PDSS2: variants seen among roughly 807,000 people sequenced by gnomAD.
The protein encoded by PDSS2 is decaprenyl diphosphate synthase subunit 2, also known as all trans-polyprenyl-diphosphate synthase PDSS2.
PDSS2 carries 31 observed loss-of-function variants against 44.5 expected under a neutral mutation model. The ratio of observed to expected loss-of-function variants is 0.70; its 90% CI spans 0.52 to 0.94. The LOEUF is 0.94. Among genes scored for constraint, PDSS2 ranks in the 40% least tolerant of loss-of-function variants. The probability of loss-of-function intolerance (pLI) is 0.00; values close to 1 mark genes in which losing one functional copy is unlikely to be tolerated. For synonymous variants in PDSS2, 157 were observed against 180.3 expected (o/e 0.87, Z 1.03); for missense variants, 452 against 482.2 (o/e 0.94, Z 0.59).
intron 2 of PDSS2, among the ~76,000 whole-genome samples, chr6:107,318,285 C>T (rs1358169742): frequency 6.6e-6 from 1 of 152,056 alleles, no homozygotes; most frequent in Non-Finnish European, 1.5e-5. Context: ...GAGGAAGTAG[C>T]TATCTACTTC....
chr6:107,332,179 A>G (rs1777732667), intron 2 of PDSS2, among the ~76,000 whole-genome samples: 1 of 150,982 alleles, frequency 6.6e-6, no homozygotes, highest in Non-Finnish European at 1.5e-5. Flanking sequence ...ATCTTAGCTC[A>G]CTGCAACCTC....
intron 1 of PDSS2, among the ~76,000 whole-genome samples, chr6:107,376,162 TA>T (rs1779279677): frequency 6.6e-6 from 1 of 152,200 alleles, no homozygotes; most frequent in Non-Finnish European, 1.5e-5. Flanking sequence ...TTGGTTACTG[TA>T]ACCTTGTAGT....
intron 2 of PDSS2, among the ~76,000 whole-genome samples, chr6:107,323,462 C>T (rs539495269): frequency 6.6e-6 from 1 of 152,180 alleles, no homozygotes; most frequent in South Asian, 2.1e-4. Flanking sequence ...CCCATCATTG[C>T]CCCTGCTGTA....
chr6:107,337,098 C>A (rs1348547703), intron 1 of PDSS2, among the ~76,000 whole-genome samples: 2 of 150,682 alleles, frequency 1.3e-5, no homozygotes, highest in African/African-American at 4.9e-5. Context: ...ATAGCAGCAG[C>A]AAACACTTAT....
chr6:107,322,816 C>G (rs115169311), intron 2 of PDSS2, among the ~76,000 whole-genome samples: 2,050 of 152,202 alleles, frequency 0.013, 37 homozygotes, highest in African/African-American at 0.047. Context: ...GAGGGAGACC[C>G]TGTCTCAAAA....
At chr6:107,250,564 G>A (rs1774783322) in intron 3 of PDSS2, among the ~76,000 whole-genome samples, 1 of 152,024 alleles carries the variant, frequency 6.6e-6, no homozygotes, top group Non-Finnish European at 1.5e-5. Context: ...GTTGGGGGGG[G>A]AAGCATACCT....
chr6:107,273,563 C>T (rs1159137172), intron 3 of PDSS2, among the ~76,000 whole-genome samples: 4 of 151,802 alleles, frequency 2.6e-5, no homozygotes, highest in African/African-American at 4.8e-5. Context: ...GGAAGATGCT[C>T]GCATCATAAT....
intron 1 of PDSS2, among the ~76,000 whole-genome samples, chr6:107,374,452 A>C (rs536747446): frequency 6.6e-6 from 1 of 152,308 alleles, no homozygotes; most frequent in East Asian, 1.9e-4. Context: ...TCAATTCCTA[A>C]GGACCTACTA....
At chr6:107,241,395 G>A (rs1206979748) in intron 4 of PDSS2, among the ~76,000 whole-genome samples, 4 of 130,490 alleles carry the variant, frequency 3.1e-5, no homozygotes, top group African/African-American at 8.7e-5. Context: ...TCCCCAGGCT[G>A]GAGTGCAGTG....
Position 107,193,850 on chromosome 6 carries a change from T to C in PDSS2, c.1013A>G (p.Gln338Arg). Reference sequence around the variant, plus strand: ...AGCATAGTCCAATCTTCCTTTTTCTTGAGCCTACAAAAGAAGAGGGGAAAA... The same window carrying C: ...AGCATAGTCCAATCTTCCTTTTTCTCGAGCCTACAAAAGAAGAGGGGAAAA... ...DLWIKQIGEA[Q>R]EKGRLDYAKL... is the part of the protein sequence containing the mutation. The change falls in exon 7 of 8, where the codon CAA (glutamine) becomes CGA (arginine). Residue 338 changes from glutamine to arginine, a missense_variant. Coordinates refer to ENST00000369037, the MANE Select transcript of PDSS2 (RefSeq NM_020381.4). 6.4e-7 allele frequency: 1 copy of C among 1,568,548 alleles called. No homozygotes were observed. The highest frequency in any genetic ancestry group is 1.1e-5 in the South Asian group (1 of 90,174).
chr6:107,169,116 A>G (rs1582728119), intron 7 of PDSS2, among the ~76,000 whole-genome samples: 4 of 151,014 alleles, frequency 2.6e-5, no homozygotes, highest in African/African-American at 9.8e-5. Context: ...AGGTACACCA[A>G]TCAGACGTAG....
At chr6:107,301,502 G>A (rs1409122858) in intron 2 of PDSS2, among the ~76,000 whole-genome samples, 1 of 152,084 alleles carries the variant, frequency 6.6e-6, no homozygotes. Flanking sequence ...ACCTACTGTA[G>A]CTGTCATTTA....
intron 1 of PDSS2, among the ~76,000 whole-genome samples, chr6:107,340,221 G>A (rs1294398817): frequency 6.6e-6 from 1 of 152,068 alleles, no homozygotes; most frequent in African/African-American, 2.4e-5. Context: ...TTGAATTTTA[G>A]GTGGGGAGAT....
chr6:107,289,892 C>T (rs1203205572), intron 2 of PDSS2, among the ~76,000 whole-genome samples: 2 of 152,106 alleles, frequency 1.3e-5, no homozygotes, highest in African/African-American at 2.4e-5. Context: ...GCAATCCTCC[C>T]GCCTCAGCCT....
intron 7 of PDSS2, among the ~76,000 whole-genome samples, chr6:107,193,014 G>A (rs1373770068): frequency 6.6e-6 from 1 of 152,160 alleles, no homozygotes; most frequent in Non-Finnish European, 1.5e-5. Context: ...ATTCCTGATT[G>A]TTGCATAAAT....
chr6:107,224,445 T>C (rs181756238), intron 4 of PDSS2, among the ~76,000 whole-genome samples: 83 of 151,420 alleles, frequency 5.5e-4, no homozygotes, highest in Admixed American at 1.0e-3. Flanking sequence ...TGACAGGACA[T>C]ACCAAGGGCT....
intron 2 of PDSS2, among the ~76,000 whole-genome samples, chr6:107,318,277 G>A (rs1382712204): frequency 6.6e-6 from 1 of 151,970 alleles, no homozygotes; most frequent in Admixed American, 6.6e-5. Flanking sequence ...CAGTCTAAGA[G>A]GAAGTAGCTA....
intron 2 of PDSS2, among the ~76,000 whole-genome samples, chr6:107,299,041 T>A (rs897138856): frequency 7.0e-6 from 1 of 143,732 alleles, no homozygotes; most frequent in African/African-American, 2.6e-5. Context: ...TTAATACTTA[T>A]GGGGCTGAGG....
chr6:107,272,971 C>T (rs1055765893), intron 3 of PDSS2, among the ~76,000 whole-genome samples: 2 of 151,748 alleles, frequency 1.3e-5, no homozygotes, highest in African/African-American at 4.8e-5. Flanking sequence ...GATGGAGTAT[C>T]ACTCTGTCGC....
Sources: allele counts gnomAD v4.1 joint callset (sites outside exome capture counted in the v4.1 genomes callset), GRCh38; gene constraint gnomAD v4.1.1; transcripts MANE v1.5; gene names NCBI Gene and HGNC (gene_info 2026-07-23, HGNC 2026-07-21).